Variants in RBBP5 observed in about 807,000 individuals in gnomAD.
RBBP5 encodes the protein retinoblastoma-binding protein 5.
In RBBP5, 5 loss-of-function variants were observed where a neutral mutation model predicts 72.2. The ratio of observed to expected loss-of-function variants is 0.07; its 90% confidence interval spans 0.04 to 0.15. The LOEUF is 0.15. Ranked by LOEUF, RBBP5 falls within the 10% of genes least tolerant of loss-of-function variation. The pLI, the probability that RBBP5 is intolerant of heterozygous loss-of-function variation, is 1.00. For missense variants in RBBP5, 322 were observed against 652.2 expected (o/e 0.49, Z 5.51); for synonymous variants, 209 against 237.2 (o/e 0.88, Z 1.09).
chr1:205,121,391 C>T (rs1235784003), intron 1 of RBBP5, among the ~76,000 whole-genome samples: 1 of 152,164 alleles, frequency 6.6e-6, no homozygotes, highest in African/African-American at 2.4e-5. Flanking sequence ...CCCTCTGAGC[C>T]TTTATTCATC....
intron 13 of RBBP5, among the ~76,000 whole-genome samples, chr1:205,092,793 G>A (rs1393140538): frequency 6.6e-6 from 1 of 151,588 alleles, no homozygotes; most frequent in Non-Finnish European, 1.5e-5. Flanking sequence ...TGTTGCCCAG[G>A]CTGGTCTTGA....
chr1:205,111,915 T>C (rs765531927), intron 3 of RBBP5, among the ~76,000 whole-genome samples: 1 of 152,116 alleles, frequency 6.6e-6, no homozygotes, highest in Non-Finnish European at 1.5e-5. Flanking sequence ...CTGATACCTG[T>C]AGTTCCCCAT....
At chr1:205,115,018 T>C (rs1196130466) in intron 2 of RBBP5, 57 bp from the exon 3 acceptor site, 3 of 1,439,638 alleles carry the variant, frequency 2.1e-6, no homozygotes, top group Admixed American at 2.2e-5. Flanking sequence ...ATCCAAATTA[T>C]TTCCTAAAGG....
At chr1:205,114,619 G>T (rs536942078) in intron 3 of RBBP5, among the ~76,000 whole-genome samples, 170 bp downstream of exon 3, 1 of 152,280 alleles carries the variant, frequency 6.6e-6, no homozygotes, top group African/African-American at 2.4e-5. Context: ...CCCAAGAAAG[G>T]TGCTTCAAGG....
intron 10 of RBBP5, among the ~76,000 whole-genome samples, 200 bp from the exon 11 acceptor site, chr1:205,097,595 A>G (rs1266677676): frequency 6.6e-6 from 1 of 152,212 alleles, no homozygotes; most frequent in East Asian, 1.9e-4. Flanking sequence ...TGACCCAGAA[A>G]AAGTTGGGAA....
chr1:205,093,462 A>C (rs1201517632), intron 13 of RBBP5, among the ~76,000 whole-genome samples: 2 of 7,166 alleles, frequency 2.8e-4, no homozygotes, highest in Admixed American at 2.5e-3. Context: ...CCGTTTCAAA[A>C]AAAAAAAAAA....
Position 205,086,330 on chromosome 1 carries a change from G to C in RBBP5, c.*2457C>G, listed in dbSNP as rs777761184. Reference sequence around the variant, plus strand: ...CAGCTCACTGCAACCTCTGCCTCCTGGATTCAAGCAATTCTCCTGCCTCAG... The same window carrying C: ...CAGCTCACTGCAACCTCTGCCTCCTCGATTCAAGCAATTCTCCTGCCTCAG... On this transcript the variant is annotated 3_prime_UTR_variant, in exon 14 of 14. Coordinates refer to ENST00000264515, the MANE Select transcript of RBBP5 (RefSeq NM_005057.4). 6.7e-6 allele frequency: 1 copy of C among 149,892 alleles called. No homozygotes were observed. Among genetic ancestry groups the C allele is most frequent in the East Asian group, 2.0e-4 (1 of 5,094 alleles). 9.3% of individuals were successfully genotyped at this position (149,892 alleles called of 1,614,324 possible).
intron 13 of RBBP5, among the ~76,000 whole-genome samples, chr1:205,090,605 T>C (rs1471314913): frequency 6.6e-6 from 1 of 152,144 alleles, no homozygotes; most frequent in Non-Finnish European, 1.5e-5. Context: ...ACGCAGCAAC[T>C]GCCCCCAAGG....
rs942857996 is a variant in RBBP5, at chr1:205,092,788, C to T, written c.1588+2085G>A. ...ACATAGATGGGGTCTCACCATGTTG[C>T]CCAGGCTGGTCTTGAACTCCTGGGC... On this transcript the variant is annotated intron_variant, in intron 13 of 13. Transcript: ENST00000264515. Among the ~76,000 whole-genome samples the T allele has an allele frequency of 7.2e-5, 11 of 152,238 alleles. No individual in the cohort carries two copies. In the South Asian group the frequency reaches 8.3e-4, roughly 11 times the overall value.
intron 3 of RBBP5, 90 bp from the exon 4 acceptor site, chr1:205,105,258 C>A: frequency 1.4e-6 from 2 of 1,422,510 alleles, no homozygotes; most frequent in South Asian, 1.2e-5. Flanking sequence ...CACATTGCTG[C>A]AACTGCACAG....
intron 1 of RBBP5, among the ~76,000 whole-genome samples, chr1:205,118,763 T>C (rs1403625952): frequency 6.6e-6 from 1 of 152,252 alleles, no homozygotes; most frequent in Non-Finnish European, 1.5e-5. Flanking sequence ...TTTCTTACTG[T>C]GATTTGTGGT....
At chr1:205,100,378 G>A in intron 6 of RBBP5, 107 bp from the exon 7 acceptor site, 3 of 1,332,666 alleles carry the variant, frequency 2.3e-6, no homozygotes, top group Admixed American at 4.6e-5. Context: ...CAAAGTAATA[G>A]ACTAGAATAT....
intron 1 of RBBP5, chr1:205,116,175 C>T: frequency 2.1e-6 from 1 of 478,932 alleles, no homozygotes; most frequent in Non-Finnish European, 3.8e-6. Flanking sequence ...TTCAGGCAAA[C>T]ATTGAAGAGA....
intron 13 of RBBP5, among the ~76,000 whole-genome samples, chr1:205,092,891 G>A (rs1655406320): frequency 6.6e-6 from 1 of 152,190 alleles, no homozygotes; most frequent in Non-Finnish European, 1.5e-5. Flanking sequence ...ATTTCCTTTT[G>A]AAAAGCACAT....
intron 4 of RBBP5, among the ~76,000 whole-genome samples, chr1:205,104,239 AG>A (rs1655959954): frequency 1.3e-5 from 2 of 152,146 alleles, no homozygotes; most frequent in Admixed American, 6.6e-5. Flanking sequence ...AAAAAGTAAG[AG>A]GCCAGGTGCA....
chr1:205,119,985 C>T (rs6593926), intron 1 of RBBP5, among the ~76,000 whole-genome samples: 15,398 of 152,166 alleles, frequency 0.1, 1,437 homozygotes, highest in African/African-American at 0.24. Context: ...CTCCTGACCC[C>T]TAGACCACAT....
At position 205,086,855 on chromosome 1, in the gene RBBP5, G is replaced by GT; in HGVS notation, c.*1931dup. 6.6e-6 allele frequency: 1 copy of GT among 152,298 alleles called. No individual in the cohort carries two copies. Among genetic ancestry groups the GT allele is most frequent in the East Asian group, 1.9e-4 (1 of 5,176 alleles). The allele number at this position is 152,298 out of a possible 1,614,324, so 9.4% of individuals were successfully genotyped here. ...TGGCAGAAACCCTCTAAGTCCCATA[G>GT]TTTGCACACTGCTGCAGTGTACAGT... On this transcript the variant is annotated 3_prime_UTR_variant, in exon 14 of 14. Coordinates refer to ENST00000264515, the MANE Select transcript of RBBP5 (RefSeq NM_005057.4).
chr1:205,107,084 A>ATG (rs1656099276), intron 3 of RBBP5, among the ~76,000 whole-genome samples: 2 of 135,076 alleles, frequency 1.5e-5, no homozygotes, highest in African/African-American at 5.0e-5. Flanking sequence ...ACATATATAT[A>ATG]TATACACACA....
At chr1:205,110,174 C>G (rs889328702) in intron 3 of RBBP5, among the ~76,000 whole-genome samples, 1 of 151,964 alleles carries the variant, frequency 6.6e-6, no homozygotes, top group Admixed American at 6.6e-5. Context: ...CGCATGTCAC[C>G]GCACCCAGCT....
Sources: gnomAD v4.1 joint callset for allele counts (sites outside exome capture counted in the v4.1 genomes callset) on GRCh38, gnomAD v4.1.1 for gene constraint, MANE v1.5 for transcripts, NCBI Gene and HGNC (gene_info 2026-07-23, HGNC 2026-07-21) for gene names.